The following IQSEC2 variants were observed in gnomAD, a reference collection of about 807,000 sequenced individuals.
IQSEC2 encodes IQ motif and Sec7 domain ArfGEF 2, also known as IQ motif and SEC7 domain-containing protein 2.
Under a neutral mutation model 74.6 loss-of-function variants are expected in IQSEC2, and 6 were observed. The ratio of observed to expected loss-of-function variants is 0.08; its 90% CI spans 0.04 to 0.16. The LOEUF is 0.16. Among genes scored for constraint, IQSEC2 ranks in the 10% least tolerant of loss-of-function variants. The pLI is 1.00. For missense variants in IQSEC2, 734 were observed against 1,306.2 expected (o/e 0.56, Z 6.75); for synonymous variants, 494 against 544.5 (o/e 0.91, Z 1.29).
At position 53,247,383 on chromosome X, in the gene IQSEC2, T is replaced by C. The variant is rs151248530; in HGVS notation, c.2583-248A>G. Among the ~76,000 whole-genome samples, 55 of 112,427 alleles carry C rather than the reference T, an allele frequency of 4.9e-4. No individual in the cohort carries two copies. The East Asian group carries it at 5.6e-3, about 11-fold the overall frequency. ...CTATCATAATCCTGCAAGGTAGCTATTGGCAGTCCCATTTTACAGATGAAG... is the reference window on the plus strand; with the variant it reads ...CTATCATAATCCTGCAAGGTAGCTACTGGCAGTCCCATTTTACAGATGAAG... On this transcript the variant is annotated intron_variant, in intron 7 of 14. Coordinates refer to ENST00000642864, the MANE Select transcript of IQSEC2 (RefSeq NM_001111125.3).
intron 1 of IQSEC2, among the ~76,000 whole-genome samples, chrX:53,299,751 AC>A (rs1556875036): frequency 9.1e-6 from 1 of 110,405 alleles, no homozygotes; most frequent in Non-Finnish European, 1.9e-5. Context: ...GACCAAAAAG[AC>A]AAGACTTTTT....
intron 10 of IQSEC2, among the ~76,000 whole-genome samples, chrX:53,240,420 T>A (rs1556860616): frequency 8.9e-6 from 1 of 112,274 alleles, no homozygotes; most frequent in Non-Finnish European, 1.9e-5. Context: ...GAAACCCTGC[T>A]CTAAAGGAGA....
In IQSEC2 at chrX:53,235,164, T is replaced by C; in HGVS notation, c.3522A>G (p.Pro1174=). The C allele has an allele frequency of 8.6e-7, 1 of 1,162,349 alleles. No individual in the cohort carries two copies. The highest frequency in any genetic ancestry group is 1.1e-6 in the Non-Finnish European group (1 of 870,765). The change falls in exon 15 of 15, where the codon CCA becomes CCG. Residue 1174 remains proline (P), a synonymous_variant. Coordinates refer to ENST00000642864, the MANE Select transcript of IQSEC2 (RefSeq NM_001111125.3). ...STIEGSVISS[P]RPHQRMPPPP... ...GAGGTGGCATCCTCTGGTGAGGGCG[T>C]GGACTGCTAATAACAGACCCCTGGA...
At chrX:53,319,710 C>T (rs1292789240) in intron 1 of IQSEC2, among the ~76,000 whole-genome samples, 1 of 111,775 alleles carries the variant, frequency 8.9e-6, no homozygotes, top group African/African-American at 3.3e-5. Flanking sequence ...GAACTGGAAC[C>T]GATCCAGCAG....
intron 8 of IQSEC2, among the ~76,000 whole-genome samples, chrX:53,245,435 A>T (rs1220912488): frequency 4.0e-4 from 4 of 9,917 alleles, no homozygotes; most frequent in Non-Finnish European, 3.3e-3. Flanking sequence ...CTCTAAAAAT[A>T]AAAAAAAAAA....
chrX:53,258,048 TC>T (rs1309944978), intron 2 of IQSEC2, among the ~76,000 whole-genome samples: 1 of 111,154 alleles, frequency 9.0e-6, no homozygotes, highest in Non-Finnish European at 1.9e-5. Context: ...ATCCTGCTTT[TC>T]CCAAATGCTC....
intron 1 of IQSEC2, among the ~76,000 whole-genome samples, chrX:53,303,935 C>A (rs2075236039): frequency 9.0e-6 from 1 of 110,767 alleles, no homozygotes; most frequent in Non-Finnish European, 1.9e-5. Flanking sequence ...TCAAGACCAG[C>A]CTGGCCAAGA....
chrX:53,279,581 G>T, intron 2 of IQSEC2: 1 of 1,193,321 alleles, frequency 8.4e-7, no homozygotes, highest in Non-Finnish European at 1.1e-6. Context: ...CTGCCAGCCT[G>T]CCTGAGGGGG....
At chrX:53,302,963 G>A (rs2075225334) in intron 1 of IQSEC2, among the ~76,000 whole-genome samples, 1 of 111,756 alleles carries the variant, frequency 8.9e-6, no homozygotes, top group African/African-American at 3.2e-5. Context: ...AGCTACTCAG[G>A]AGGCTGAGAT....
At chrX:53,296,030 C>T (rs1460605087) in intron 1 of IQSEC2, among the ~76,000 whole-genome samples, 5 of 110,281 alleles carry the variant, frequency 4.5e-5, no homozygotes, top group Non-Finnish European at 9.5e-5. Flanking sequence ...TGAACATCAA[C>T]AGAAGTAGAT....
chrX:53,307,202 G>C (rs1556876843), intron 1 of IQSEC2, among the ~76,000 whole-genome samples: 1 of 109,352 alleles, frequency 9.1e-6, no homozygotes, highest in Non-Finnish European at 1.9e-5. Context: ...CCAAAATGAA[G>C]CCAGTGAGTG....
intron 1 of IQSEC2, among the ~76,000 whole-genome samples, chrX:53,314,998 C>T (rs1556878767): frequency 8.9e-6 from 1 of 111,835 alleles, no homozygotes; most frequent in African/African-American, 3.3e-5. Flanking sequence ...CAGCGGTGTA[C>T]CATAGGTTTG....
Position 53,254,695 on chromosome X carries a change from C to T in IQSEC2, c.1236G>A (p.Ser412=), listed in dbSNP as rs782420377. Residue 412 remains serine (S), a synonymous_variant, in exon 4 of 15, where the codon TCG becomes TCA. Transcript: ENST00000642864. The part of the protein sequence containing the change: ...NPAYFEGKPA[S]LDEGAMAGAR... ...CACCAGCCATGGCACCCTCGTCCAGCGAGGCAGGCTTGCCCTCGAAGTACG... is the reference window on the plus strand; with the variant it reads ...CACCAGCCATGGCACCCTCGTCCAGTGAGGCAGGCTTGCCCTCGAAGTACG... The T allele has an allele frequency of 6.6e-6, 8 of 1,208,836 alleles. No individual in the cohort carries two copies. The highest frequency in any genetic ancestry group is 3.5e-5 in the South Asian group (2 of 56,510).
chrX:53,293,157 C>T (rs1298073062), intron 1 of IQSEC2, among the ~76,000 whole-genome samples: 2 of 112,100 alleles, frequency 1.8e-5, no homozygotes, highest in Non-Finnish European at 3.8e-5. Flanking sequence ...AAGGAGGCCC[C>T]GCTGGCGAGG....
chrX:53,257,980 C>G (rs782370367), intron 2 of IQSEC2, among the ~76,000 whole-genome samples: 2 of 111,881 alleles, frequency 1.8e-5, no homozygotes, highest in South Asian at 3.8e-4. Flanking sequence ...TTAAGCCATA[C>G]TTCAGGGTTG....
Position 53,239,211 on chromosome X carries a change from C to A in IQSEC2, c.3099G>T (p.Gln1033His). The A allele has an allele frequency of 2.5e-6, 3 of 1,200,227 alleles. No individual in the cohort carries two copies. The highest frequency in any genetic ancestry group is 3.4e-6 in the Non-Finnish European group (3 of 885,072). ...QSFPLVEMHM[Q>H]LFQNSYYQFG... ...GGGACTCACATGAATTCTGGAAGAG[C>A]TGCATGTGCATTTCCACGAGGGGGA... The change falls in exon 11 of 15, where the codon CAG (glutamine) becomes CAT (histidine). Residue 1033 changes from glutamine to histidine, a missense_variant. Gln to His is a conservative substitution (Grantham distance 24). Around this residue, in one of 12 missense-constraint regions of IQSEC2, gnomAD observed 249 missense variants for 467.9 expected, o/e 0.53. Transcript: ENST00000642864.
At chrX:53,229,481 G>T (rs1272568019), downstream of IQSEC2, 1 of 111,482 alleles carries the variant, frequency 9.0e-6, no homozygotes, top group Non-Finnish European at 1.9e-5. Context: ...TGGGAGGACT[G>T]CTTGAGGCCA....
intron 12 of IQSEC2, among the ~76,000 whole-genome samples, chrX:53,236,726 C>T (rs1343437002): frequency 9.0e-6 from 1 of 111,475 alleles, no homozygotes; most frequent in African/African-American, 3.3e-5. Context: ...CCCTCCCTTC[C>T]TGCTCAGCCT....
intron 9 of IQSEC2, 84 bp downstream of exon 9, chrX:53,243,248 G>A (rs1374814033): frequency 1.2e-6 from 1 of 833,645 alleles, no homozygotes; most frequent in African/African-American, 2.0e-5. Context: ...GGCACCTGGG[G>A]CTCAGGGAGG....
Sources: gnomAD v4.1 joint callset for allele counts (sites outside exome capture counted in the v4.1 genomes callset) on GRCh38, gnomAD v4.1.1 for gene constraint, gnomAD v4.1.1 regional missense constraint, MANE v1.5 for transcripts, NCBI Gene and HGNC (gene_info 2026-07-23, HGNC 2026-07-21) for gene names.